Variants in FAN1 observed in about 807,000 individuals in gnomAD.
FAN1 encodes the protein fanconi-associated nuclease 1.
In FAN1, 91 loss-of-function variants were observed where a neutral mutation model predicts 104.9. The observed-to-expected ratio is 0.87, with a 90% CI of 0.73 to 1.03. The LOEUF (loss-of-function observed/expected upper bound fraction) is 1.03. Among genes scored for constraint, FAN1 ranks in the 50% least tolerant of loss-of-function variants. The pLI is 0.00. For synonymous variants in FAN1, 478 were observed against 457.6 expected (o/e 1.04, Z -0.57); for missense variants, 1,263 against 1,239.9 (o/e 1.02, Z -0.28).
chr15:30,925,803 C>T lies in FAN1; in HGVS notation c.2352C>T (p.Gly784=). 1 of 1,614,134 alleles carries T rather than the reference C, an allele frequency of 6.2e-7. No individual in the cohort carries two copies. The highest frequency in any genetic ancestry group is 1.3e-5 in the African/African-American group (1 of 75,076). Residue 784 remains glycine (G), a synonymous_variant, in exon 10 of 15, where the codon GGC becomes GGT. Transcript: ENST00000362065. ...VQDVKHVTIT[G]RLCPQRGMCK... is the part of the protein sequence containing the mutation. ...TGCTGTTTCAGGTGACCATCACAGG[C>T]AGGCTGTGCCCACAGCGTGGGATGT...
At position 30,905,137 on chromosome 15, in the gene FAN1, A is replaced by G; in HGVS notation, c.474A>G (p.Lys158=). The change falls in exon 2 of 15, where the codon AAA becomes AAG. Residue 158 remains lysine (K), a synonymous_variant. Transcript: ENST00000362065. ...KVICLGSLAS[K]LSRKYVKAKK... is the part of the protein sequence containing the mutation. ...TTTGTTTGGGAAGCCTAGCATCTAAATTGTCCAGAAAATACGTAAAGGCTA... is the reference window on the plus strand; with the variant it reads ...TTTGTTTGGGAAGCCTAGCATCTAAGTTGTCCAGAAAATACGTAAAGGCTA... 1 of 1,614,046 alleles carries G rather than the reference A, an allele frequency of 6.2e-7. No homozygotes were observed. Among genetic ancestry groups the G allele is most frequent in the Non-Finnish European group, 8.5e-7 (1 of 1,180,032 alleles).
At chr15:30,914,455 C>T (rs953581526) in intron 5 of FAN1, among the ~76,000 whole-genome samples, 1 of 152,198 alleles carries the variant, frequency 6.6e-6, no homozygotes, top group African/African-American at 2.4e-5. Flanking sequence ...GCCTCAACCT[C>T]CTGGGCCCAA....
At position 30,942,517 on chromosome 15, in the gene FAN1, G is replaced by A; in HGVS notation, c.*955G>A. 1 of 277,638 alleles carries A rather than the reference G, an allele frequency of 3.6e-6. No individual in the cohort carries two copies. 17.2% of individuals were successfully genotyped at this position (277,638 alleles called of 1,614,324 possible). A position where few individuals can be genotyped will look rare whatever the true frequency, so the allele number is the denominator to read the frequency against. On this transcript the variant is annotated 3_prime_UTR_variant, in exon 15 of 15. Coordinates refer to ENST00000362065, the MANE Select transcript of FAN1 (RefSeq NM_014967.5). ...GAATTTATTTGGGAATTATTAAAAA[G>A]GCAAACAATGAATGTTATTAGGACA...
At chr15:30,917,626 G>A (rs925279290) in intron 5 of FAN1, among the ~76,000 whole-genome samples, 4 of 152,194 alleles carry the variant, frequency 2.6e-5, no homozygotes, top group African/African-American at 9.7e-5. Flanking sequence ...GTAGCTAAAG[G>A]AGCGATGAAA....
At position 30,930,529 on chromosome 15, in the gene FAN1, T is replaced by C. The variant is rs773902371; in HGVS notation, c.2788-14T>C. 6.3e-7 allele frequency: 1 copy of C among 1,583,292 alleles called. No individual in the cohort carries two copies. ...ACGAGGGAAGTGGCTAACTGTCCTG[T>C]GTTTTGTGTTCAGGATCTTGTCTCC... On this transcript the variant is annotated splice_polypyrimidine_tract_variant and intron_variant, in intron 12 of 14. Transcript: ENST00000362065.
At position 30,905,178 on chromosome 15, in the gene FAN1, A is replaced by C; in HGVS notation, c.515A>C (p.Lys172Thr). 1 of 1,613,728 alleles carries C rather than the reference A, an allele frequency of 6.2e-7. No homozygotes were observed. Among genetic ancestry groups the C allele is most frequent in the Non-Finnish European group, 8.5e-7 (1 of 1,179,950 alleles). Reference sequence around the variant, plus strand: ...GTAAAGGCTAAAAAATCAATAGATAAGGATGAAGAATTTGCCGGTTCTAGT... The same window carrying C: ...GTAAAGGCTAAAAAATCAATAGATACGGATGAAGAATTTGCCGGTTCTAGT... ...KYVKAKKSID[K>T]DEEFAGSSPQ... is the part of the protein sequence containing the mutation. Residue 172 changes from lysine to threonine, a missense_variant, in exon 2 of 15, where the codon AAG (lysine) becomes ACG (threonine). Around this residue, in one of 2 missense-constraint regions of FAN1, gnomAD observed 682 missense variants for 571.1 expected, o/e 1.19. Transcript: ENST00000362065.
At chr15:30,938,452 T>C (rs1308571548) in intron 14 of FAN1, among the ~76,000 whole-genome samples, 1 of 152,184 alleles carries the variant, frequency 6.6e-6, no homozygotes, top group Non-Finnish European at 1.5e-5. Context: ...ATGAAGTCTT[T>C]ATCAGAGGCA....
At chr15:30,939,396 TCAC>T (rs781099456) in intron 14 of FAN1, 16 of 985,338 alleles carry the variant, frequency 1.6e-5, no homozygotes, top group East Asian at 1.1e-4. Context: ...ACCACTGCTG[TCAC>T]CACATGTCCC....
intron 5 of FAN1, among the ~76,000 whole-genome samples, chr15:30,915,700 C>G (rs1317449941): frequency 6.6e-6 from 1 of 151,980 alleles, no homozygotes; most frequent in Non-Finnish European, 1.5e-5. Context: ...CACACTGTGC[C>G]ACATAAATAT....
intron 4 of FAN1, among the ~76,000 whole-genome samples, chr15:30,912,809 A>G (rs994915048): frequency 2.0e-5 from 3 of 152,188 alleles, no homozygotes; most frequent in East Asian, 1.9e-4. Context: ...TGAGCATCCT[A>G]TAATTTACAG....
chr15:30,920,946 G>A (rs923314542), intron 7 of FAN1, among the ~76,000 whole-genome samples: 6 of 152,144 alleles, frequency 3.9e-5, no homozygotes, highest in Non-Finnish European at 7.4e-5. Context: ...ACCATGCCTA[G>A]CTAATTTTTG....
chr15:30,908,315 T>G (rs2062027560), intron 3 of FAN1, 57 bp downstream of exon 3: 1 of 1,440,008 alleles, frequency 6.9e-7, no homozygotes, highest in African/African-American at 1.4e-5. Context: ...ACTGAGCTTC[T>G]GCAGAATGAT....
At chr15:30,908,076 T>G in intron 2 of FAN1, 42 bp from the exon 3 acceptor site, 1 of 1,555,428 alleles carries the variant, frequency 6.4e-7, no homozygotes, top group Non-Finnish European at 8.7e-7. Context: ...GTTTAAAAGG[T>G]AAATGCAGTG....
At chr15:30,939,408 C>T in intron 14 of FAN1, 2 of 985,456 alleles carry the variant, frequency 2.0e-6, no homozygotes, top group Non-Finnish European at 2.4e-6. Flanking sequence ...ACCACATGTC[C>T]CTCTGACGGC....
In FAN1 at chr15:30,930,539, T is replaced by G. The variant is rs2062682176; in HGVS notation, c.2788-4T>G. The G allele has an allele frequency of 1.3e-6, 2 of 1,591,614 alleles. No homozygotes were observed. Among genetic ancestry groups the G allele is most frequent in the Non-Finnish European group, 1.7e-6 (2 of 1,173,828 alleles). On this transcript the variant is annotated splice_polypyrimidine_tract_variant and splice_region_variant and intron_variant, in intron 12 of 14. Coordinates refer to ENST00000362065, the MANE Select transcript of FAN1 (RefSeq NM_014967.5). ...TGGCTAACTGTCCTGTGTTTTGTGTTCAGGATCTTGTCTCCTGCCTGGGGG... is the reference window on the plus strand; with the variant it reads ...TGGCTAACTGTCCTGTGTTTTGTGTGCAGGATCTTGTCTCCTGCCTGGGGG...
At chr15:30,920,742 T>C in intron 7 of FAN1, 89 bp downstream of exon 7, 2 of 756,610 alleles carry the variant, frequency 2.6e-6, no homozygotes, top group South Asian at 1.8e-5. Flanking sequence ...CAGCATTTCC[T>C]GCTTATTTGG....
In FAN1 at chr15:30,940,075, A is replaced by G. The variant is rs762145009; in HGVS notation, c.*4-1491A>G. 5.5e-5 allele frequency: 54 copies of G among 983,114 alleles called. No individual in the cohort carries two copies. The South Asian group carries it at 1.6e-3, about 28-fold the overall frequency. 60.9% of individuals were successfully genotyped at this position (983,114 alleles called of 1,614,324 possible). A position where few individuals can be genotyped will look rare whatever the true frequency, so the allele number is the denominator to read the frequency against. On this transcript the variant is annotated intron_variant, in intron 14 of 14. Coordinates refer to ENST00000362065, the MANE Select transcript of FAN1 (RefSeq NM_014967.5). Reference sequence around the variant, plus strand: ...GAAAACACTTGTTTTAGAAAAGGAAATAAGCTAACTAGACACTTTACTATA... The same window carrying G: ...GAAAACACTTGTTTTAGAAAAGGAAGTAAGCTAACTAGACACTTTACTATA...
chr15:30,922,804 C>T (rs987763173), intron 8 of FAN1, among the ~76,000 whole-genome samples: 4 of 152,214 alleles, frequency 2.6e-5, no homozygotes, highest in Non-Finnish European at 4.4e-5. Flanking sequence ...GTCCTTTATG[C>T]GTGACTCTGT....
At chr15:30,939,088 C>T in intron 14 of FAN1, 1 of 985,440 alleles carries the variant, frequency 1.0e-6, no homozygotes, top group Non-Finnish European at 1.2e-6. Flanking sequence ...CTCGGGAAAT[C>T]AAGTTTTAAC....
Sources: gnomAD v4.1 joint callset for allele counts (sites outside exome capture counted in the v4.1 genomes callset) on GRCh38, gnomAD v4.1.1 for gene constraint, gnomAD v4.1.1 regional missense constraint, MANE v1.5 for transcripts, NCBI Gene and HGNC (gene_info 2026-07-23, HGNC 2026-07-21) for gene names.